PLEKHM2: variants seen among roughly 807,000 people sequenced by gnomAD.
The protein encoded by PLEKHM2 is pleckstrin homology and RUN domain containing M2, also known as pleckstrin homology domain-containing family M member 2.
Under a neutral mutation model 116.3 loss-of-function variants are expected in PLEKHM2, and 77 were observed. The observed-to-expected ratio is 0.66, with a 90% CI of 0.55 to 0.80. The LOEUF is 0.80. PLEKHM2 is among the 30% of genes least tolerant of loss of function. The pLI is 0.00. For missense variants in PLEKHM2, 1,183 were observed against 1,354.9 expected (o/e 0.87, Z 1.99); for synonymous variants, 562 against 571.0 (o/e 0.98, Z 0.22).
At chr1:15,706,953 G>T (rs1641238635) in intron 1 of PLEKHM2, among the ~76,000 whole-genome samples, 1 of 152,160 alleles carries the variant, frequency 6.6e-6, no homozygotes, top group Non-Finnish European at 1.5e-5. Flanking sequence ...GCAAGAGGCA[G>T]CTCCTCAGCC....
At chr1:15,695,585 C>A (rs1326995585) in intron 1 of PLEKHM2, among the ~76,000 whole-genome samples, 1 of 152,108 alleles carries the variant, frequency 6.6e-6, no homozygotes, top group African/African-American at 2.4e-5. Context: ...CATCTTAGCT[C>A]AGTGCAACCT....
At chr1:15,731,794 A>G in intron 16 of PLEKHM2, 95 bp from the exon 17 acceptor site, 1 of 1,060,690 alleles carries the variant, frequency 9.4e-7, no homozygotes, top group Non-Finnish European at 1.4e-6. Flanking sequence ...GGTGGGGCAG[A>G]CCCTGTGCCG....
Position 15,721,223 on chromosome 1 carries a change from T to C in PLEKHM2, c.653-106T>C. On this transcript the variant is annotated intron_variant, in intron 6 of 19. Coordinates refer to ENST00000375799, the MANE Select transcript of PLEKHM2 (RefSeq NM_015164.4). This position sits in a 1 kb window ranked among gnomAD's most constrained non-coding sequence, Gnocchi z 5.1. ...AATGTAGAAAGTTGAAGTTTTCCTC[T>C]CCTATTTTCTCCCCATGTCTCCCAC... 1 of 732,350 alleles carries C rather than the reference T, an allele frequency of 1.4e-6. No homozygotes were observed. The highest frequency in any genetic ancestry group is 1.6e-5 in the South Asian group (1 of 62,268). The allele number at this position is 732,350 out of a possible 1,614,324, so 45.4% of individuals were successfully genotyped here.
chr1:15,688,636 G>A (rs1444663097), intron 1 of PLEKHM2, among the ~76,000 whole-genome samples: 1 of 146,290 alleles, frequency 6.8e-6, no homozygotes, highest in Non-Finnish European at 1.5e-5. Context: ...GGTGACAGAG[G>A]GAGACTCTGT....
Position 15,718,541 on chromosome 1 carries a change from T to C in PLEKHM2, c.381T>C (p.Asn127=). The C allele has an allele frequency of 6.4e-7, 1 of 1,565,144 alleles. No homozygotes were observed. Among genetic ancestry groups the C allele is most frequent in the Non-Finnish European group, 8.7e-7 (1 of 1,151,668 alleles). The change falls in exon 5 of 20, where the codon AAT becomes AAC. Residue 127 remains asparagine (N), a synonymous_variant. Transcript: ENST00000375799. The stretch of plus-strand genomic sequence containing the variant: ...CGTGGCTTCTCATGTCTTGCAGGAA[T>C]GCCCTGGTCTGCAGCCACGATCACC... The part of the protein sequence containing the change: ...LGLLHKYYVK[N]ALVCSHDHLT...
At chr1:15,716,652 A>G in intron 2 of PLEKHM2, 55 bp from the exon 3 acceptor site, 1 of 1,540,744 alleles carries the variant, frequency 6.5e-7, no homozygotes. Context: ...AGCCGACTGC[A>G]GCTTCCCAGG....
chr1:15,707,319 G>C (rs1300025293), intron 1 of PLEKHM2, among the ~76,000 whole-genome samples: 2 of 151,792 alleles, frequency 1.3e-5, no homozygotes, highest in Non-Finnish European at 2.9e-5. Flanking sequence ...TGTAGTCTCA[G>C]CTATTTGGGA....
intron 1 of PLEKHM2, among the ~76,000 whole-genome samples, chr1:15,709,396 C>T (rs1641283494): frequency 6.6e-6 from 1 of 152,188 alleles, no homozygotes; most frequent in African/African-American, 2.4e-5. Context: ...TTACCAGCTG[C>T]AGCCTCATTA....
In PLEKHM2 at chr1:15,727,337, A is replaced by G. The variant is rs376306853; in HGVS notation, c.1265A>G (p.Asp422Gly). 2.7e-4 allele frequency: 436 copies of G among 1,596,674 alleles called. 1 individual carries two copies. The highest frequency in any genetic ancestry group is 4.5e-5 in the Non-Finnish European group (53 of 1,172,652). ...ATCGACCAGCTCAACGGGCAGCTGG[A>G]CCCCAGCACCTGGTGCTCCCGTGCT... Reference protein sequence around the residue: ...KVIDQLNGQLDPSTWCSRAEP... With the variant: ...KVIDQLNGQLGPSTWCSRAEP... The change falls in exon 9 of 20, where the codon GAC becomes GGC. Residue 422 changes from aspartate to glycine, a missense_variant. Transcript: ENST00000375799. The surrounding 1 kb of genome is among the most constrained non-coding windows in gnomAD (Gnocchi z 7.5).
intron 7 of PLEKHM2, chr1:15,723,310 G>A (rs1438053841): frequency 2.0e-5 from 3 of 151,838 alleles, no homozygotes; most frequent in Non-Finnish European, 4.4e-5. Context: ...CGAGAGACGC[G>A]GTTTTCTGTA....
chr1:15,711,416 G>A (rs901303090), intron 1 of PLEKHM2, among the ~76,000 whole-genome samples: 22 of 152,044 alleles, frequency 1.4e-4, no homozygotes, highest in Non-Finnish European at 3.2e-4. Flanking sequence ...AGGAGTTCGA[G>A]ACCAGCCTGG....
intron 7 of PLEKHM2, among the ~76,000 whole-genome samples, chr1:15,725,052 G>T (rs113129710): frequency 2.2e-3 from 340 of 152,292 alleles, no homozygotes; most frequent in South Asian, 3.7e-3. Flanking sequence ...CACCGCGGGG[G>T]CCCTTAACAC....
intron 8 of PLEKHM2, chr1:15,725,847 G>A (rs77693259): frequency 0.012 from 5,311 of 426,940 alleles, 220 homozygotes; most frequent in African/African-American, 0.088. Flanking sequence ...CCTCTGATGA[G>A]GGATTCACAG....
chr1:15,728,174 G>T lies in PLEKHM2; in HGVS notation c.1830+26G>T. The T allele has an allele frequency of 6.2e-7, 1 of 1,606,140 alleles. No homozygotes were observed. Among genetic ancestry groups the T allele is most frequent in the South Asian group, 1.1e-5 (1 of 90,440 alleles). ...GTAAGTCCTAGGAACTCAGGAGTGA[G>T]CAAGAGACGGCAAGGGCAAGGCGGG... On this transcript the variant is annotated intron_variant, in intron 10 of 19. Transcript: ENST00000375799. The surrounding 1 kb of genome is among the most constrained non-coding windows in gnomAD (Gnocchi z 5.9).
intron 1 of PLEKHM2, among the ~76,000 whole-genome samples, chr1:15,715,500 G>A (rs1417477276): frequency 1.3e-5 from 2 of 152,090 alleles, no homozygotes; most frequent in African/African-American, 4.8e-5. Context: ...AATTAGCTGG[G>A]CATGGTGGTG....
At chr1:15,725,593 C>T in intron 8 of PLEKHM2, 48 bp downstream of exon 8, 2 of 1,309,316 alleles carry the variant, frequency 1.5e-6, no homozygotes, top group Middle Eastern at 2.4e-4. Flanking sequence ...GGGGTCCAAC[C>T]TGTCCACTCC....
At chr1:15,715,860 G>A (rs554207686) in intron 1 of PLEKHM2, among the ~76,000 whole-genome samples, 3 of 152,352 alleles carry the variant, frequency 2.0e-5, no homozygotes, top group African/African-American at 7.2e-5. Context: ...CCAACTCTGG[G>A]TTTGTGTGGC....
At chr1:15,694,359 C>A (rs1442744006) in intron 1 of PLEKHM2, among the ~76,000 whole-genome samples, 2 of 150,916 alleles carry the variant, frequency 1.3e-5, no homozygotes, top group South Asian at 2.1e-4. Context: ...AAAAAAAAAA[C>A]ACAAAAAACA....
chr1:15,723,449 TAA>T (rs35677279), intron 7 of PLEKHM2: 15 of 139,922 alleles, frequency 1.1e-4, no homozygotes, highest in South Asian at 2.3e-4. Context: ...ACAGCAGACT[TAA>T]AAAAAAAAAA....
Sources: allele counts gnomAD v4.1 joint callset (sites outside exome capture counted in the v4.1 genomes callset), GRCh38; gene constraint gnomAD v4.1.1; non-coding constraint Gnocchi (gnomAD v3.1); transcripts MANE v1.5; gene names NCBI Gene and HGNC (gene_info 2026-07-23, HGNC 2026-07-21).